LMNTD1: variants seen among roughly 807,000 people sequenced by gnomAD.
LMNTD1 encodes the protein lamin tail domain-containing protein 1.
In LMNTD1, 35 loss-of-function variants were observed where a neutral mutation model predicts 50.9. That is an observed-to-expected ratio of 0.69 (90% CI 0.53 to 0.91). LMNTD1 has a LOEUF of 0.91. LMNTD1 is among the 40% of genes least tolerant of loss of function. The probability of loss-of-function intolerance (pLI) is 0.00; values close to 1 mark genes in which losing one functional copy is unlikely to be tolerated. For synonymous variants in LMNTD1, 153 were observed against 161.9 expected (o/e 0.94, Z 0.42); for missense variants, 470 against 475.5 (o/e 0.99, Z 0.11).
chr12:25,623,960 C>A (rs1226327709), intron 1 of LMNTD1, among the ~76,000 whole-genome samples: 1 of 152,136 alleles, frequency 6.6e-6, no homozygotes, highest in Non-Finnish European at 1.5e-5. Context: ...TTCCCTGGTT[C>A]TGACTTGGGT....
intron 1 of LMNTD1, among the ~76,000 whole-genome samples, chr12:25,596,201 G>A (rs1006772680): frequency 1.3e-5 from 2 of 151,994 alleles, no homozygotes; most frequent in African/African-American, 2.4e-5. Context: ...TAGAAAAAGA[G>A]GGAATCCTCC....
intron 1 of LMNTD1, among the ~76,000 whole-genome samples, chr12:25,608,234 G>A (rs1394343715): frequency 2.6e-5 from 4 of 152,112 alleles, no homozygotes; most frequent in African/African-American, 7.2e-5. Context: ...GTCTCTGCAC[G>A]TGAGATGGGT....
chr12:25,636,240 C>A (rs1224562028), intron 1 of LMNTD1, among the ~76,000 whole-genome samples: 1 of 151,964 alleles, frequency 6.6e-6, no homozygotes, highest in Non-Finnish European at 1.5e-5. Context: ...ATACATCTGA[C>A]AAAGGACTAA....
chr12:25,603,126 G>A (rs1946014740), intron 1 of LMNTD1, among the ~76,000 whole-genome samples: 1 of 152,004 alleles, frequency 6.6e-6, no homozygotes, highest in Non-Finnish European at 1.5e-5. Context: ...CATTGATGAT[G>A]TTCTTAATTA....
At chr12:25,596,359 C>A (rs1303589155) in intron 1 of LMNTD1, among the ~76,000 whole-genome samples, 1 of 152,008 alleles carries the variant, frequency 6.6e-6, no homozygotes. Flanking sequence ...AACAACATAT[C>A]AAAAAGATAA....
rs144250368 is a variant in LMNTD1 at position 25,577,923 on chromosome 12, G to A, written c.59-31369C>T. ...TGCCCATGGTGGGAGCATATATGGG[G>A]TTGGTAGCAGGTGGTGAGATTGGGT... On this transcript the variant is annotated intron_variant, in intron 1 of 7. Coordinates refer to the LMNTD1 transcript ENST00000445693. 3.5e-4 allele frequency among the ~76,000 whole-genome samples: 54 copies of A among 152,248 alleles called. 1 individual carries two copies. In the East Asian group the frequency reaches 7.9e-3, roughly 22 times the overall value.
intron 1 of LMNTD1, among the ~76,000 whole-genome samples, chr12:25,568,635 G>A (rs1244030101): frequency 6.6e-6 from 1 of 152,210 alleles, no homozygotes; most frequent in South Asian, 2.1e-4. Context: ...GGCCAGGCTT[G>A]GAATGCCAAA....
chr12:25,645,619 T>C (rs1169012372), intron 1 of LMNTD1, among the ~76,000 whole-genome samples: 2 of 152,134 alleles, frequency 1.3e-5, no homozygotes, highest in African/African-American at 4.8e-5. Context: ...CATGGTAAAA[T>C]GGGCCACAGA....
chr12:25,483,629 G>A (rs112017644), intron 9 of LMNTD1, among the ~76,000 whole-genome samples: 2,344 of 151,456 alleles, frequency 0.015, 97 homozygotes, highest in African/African-American at 0.054. Context: ...AAAATTAGCC[G>A]GTCATGGTGG....
At chr12:25,620,761 C>T (rs1284117081) in intron 1 of LMNTD1, among the ~76,000 whole-genome samples, 1 of 152,198 alleles carries the variant, frequency 6.6e-6, no homozygotes, top group Non-Finnish European at 1.5e-5. Flanking sequence ...GGATTGTACT[C>T]CACTCCGTAG....
chr12:25,533,517 C>A (rs555562281), intron 4 of LMNTD1, among the ~76,000 whole-genome samples: 10 of 152,158 alleles, frequency 6.6e-5, no homozygotes, highest in African/African-American at 2.4e-4. Flanking sequence ...TGATATTCTG[C>A]GGTTTGCTAA....
intron 6 of LMNTD1, among the ~76,000 whole-genome samples, chr12:25,524,564 T>G (rs1436145797): frequency 6.6e-6 from 1 of 152,220 alleles, no homozygotes; most frequent in East Asian, 1.9e-4. Flanking sequence ...CTGGTCTGTC[T>G]GGTTCAATGC....
At chr12:25,541,898 A>G (rs1204872697) in intron 4 of LMNTD1, among the ~76,000 whole-genome samples, 1 of 151,522 alleles carries the variant, frequency 6.6e-6, no homozygotes, top group African/African-American at 2.4e-5. Flanking sequence ...AACCCCATCA[A>G]AAAGTGGGCG....
At chr12:25,551,100 A>G (rs1403948669) in intron 2 of LMNTD1, among the ~76,000 whole-genome samples, 1 of 152,226 alleles carries the variant, frequency 6.6e-6, no homozygotes, top group Non-Finnish European at 1.5e-5. Context: ...GGATTGTAAG[A>G]CACGACTTCT....
At chr12:25,521,311 C>A (rs530044571) in intron 6 of LMNTD1, among the ~76,000 whole-genome samples, 7 of 152,270 alleles carry the variant, frequency 4.6e-5, no homozygotes, top group Non-Finnish European at 8.8e-5. Flanking sequence ...CGTCAAGGAG[C>A]TTTTCCCCTA....
chr12:25,519,587 C>CAAAAAAAAAAAA (rs58304861), intron 7 of LMNTD1, among the ~76,000 whole-genome samples: 946 of 94,438 alleles, frequency 0.01, 38 homozygotes, highest in African/African-American at 0.018. Context: ...GACTCTGTCT[C>CAAAAAAAAAAAA]AAAAAAAAAA....
chr12:25,611,687 G>A (rs1487663166), intron 1 of LMNTD1, among the ~76,000 whole-genome samples: 5 of 152,088 alleles, frequency 3.3e-5, no homozygotes, highest in Admixed American at 6.5e-5. Flanking sequence ...ATACACATAC[G>A]TACACACACA....
At chr12:25,567,652 C>T (rs931457300) in intron 1 of LMNTD1, among the ~76,000 whole-genome samples, 1 of 152,012 alleles carries the variant, frequency 6.6e-6, no homozygotes, top group Non-Finnish European at 1.5e-5. Context: ...GTTCACATGA[C>T]ATCTGGTTGT....
chr12:25,612,833 G>A (rs1946277481), intron 1 of LMNTD1, among the ~76,000 whole-genome samples: 1 of 152,108 alleles, frequency 6.6e-6, no homozygotes, highest in Admixed American at 6.5e-5. Context: ...TACCTTATAT[G>A]GCAAAAGTGA....
Sources: allele counts gnomAD v4.1 joint callset (sites outside exome capture counted in the v4.1 genomes callset), GRCh38; gene constraint gnomAD v4.1.1; transcripts MANE v1.5; gene names NCBI Gene and HGNC (gene_info 2026-07-23, HGNC 2026-07-21).